Variants in SCN11A observed in about 807,000 individuals in gnomAD.
SCN11A encodes sodium channel protein type 11 subunit alpha.
A neutral mutation model predicts 162.2 loss-of-function variants in SCN11A; 122 were observed. That is an observed-to-expected ratio of 0.75 (90% CI 0.65 to 0.87). The LOEUF (loss-of-function observed/expected upper bound fraction) is 0.87. SCN11A is among the 40% of genes least tolerant of loss of function. The pLI is 0.00. For missense variants in SCN11A, 2,015 were observed against 2,181.6 expected (o/e 0.92, Z 1.52); for synonymous variants, 758 against 751.5 (o/e 1.01, Z -0.14).
At chr3:38,972,012 A>G (rs1195867486) in intron 2 of SCN11A, among the ~76,000 whole-genome samples, 1 of 152,182 alleles carries the variant, frequency 6.6e-6, no homozygotes, top group Non-Finnish European at 1.5e-5. Context: ...TATGGAATAC[A>G]CAGAAGAGCT....
At chr3:38,867,135 G>A (rs2065053330) in intron 27 of SCN11A, among the ~76,000 whole-genome samples, 186 bp downstream of exon 27, 1 of 152,170 alleles carries the variant, frequency 6.6e-6, no homozygotes, top group Non-Finnish European at 1.5e-5. Context: ...AAACCCAGAT[G>A]TTTTCAGTCT....
chr3:38,880,163 T>A, intron 22 of SCN11A, 40 bp from the exon 23 acceptor site: 1 of 1,472,592 alleles, frequency 6.8e-7, no homozygotes, highest in Non-Finnish European at 9.3e-7. Flanking sequence ...GGTTGAATAT[T>A]TGCAAAGAAC....
In SCN11A at chr3:39,024,181, C is replaced by A. The variant is rs58803027; in HGVS notation, c.-280+8199G>T. 7.2e-5 allele frequency among the ~76,000 whole-genome samples: 11 copies of A among 152,322 alleles called. No individual in the cohort carries two copies. In the East Asian group the frequency reaches 1.5e-3, roughly 21 times the overall value. On this transcript the variant is annotated intron_variant, in intron 2 of 29. Transcript: ENST00000302328. ...TGCTTCAGAAATGAAGACCCAGGGA[C>A]TCAGGGAAAATCGTTTGTTTTTATG...
chr3:39,030,345 G>A (rs952618387), intron 2 of SCN11A, among the ~76,000 whole-genome samples: 22 of 152,146 alleles, frequency 1.4e-4, no homozygotes, highest in Admixed American at 9.2e-4. Flanking sequence ...TGGGATTCCC[G>A]GTCCTAACAA....
At chr3:38,906,475 G>T (rs1164398226) in intron 14 of SCN11A, among the ~76,000 whole-genome samples, 1 of 152,006 alleles carries the variant, frequency 6.6e-6, no homozygotes, top group African/African-American at 2.4e-5. Flanking sequence ...CCCAAAATGT[G>T]TACCTTTCCT....
At chr3:38,987,045 C>CCA (rs2030272167) in intron 2 of SCN11A, among the ~76,000 whole-genome samples, 2 of 152,098 alleles carry the variant, frequency 1.3e-5, no homozygotes, top group Non-Finnish European at 2.9e-5. Flanking sequence ...GCTCTGCCTA[C>CCA]CACACACACA....
intron 2 of SCN11A, among the ~76,000 whole-genome samples, chr3:38,999,301 CAA>C (rs1162734108): frequency 6.6e-6 from 1 of 152,094 alleles, no homozygotes; most frequent in African/African-American, 2.4e-5. Context: ...GAAGTTGAAT[CAA>C]GACTCATTTT....
At chr3:38,880,785 C>T (rs549552846) in intron 22 of SCN11A, among the ~76,000 whole-genome samples, 2 of 152,314 alleles carry the variant, frequency 1.3e-5, no homozygotes, top group African/African-American at 4.8e-5. Context: ...GAGATCCTGG[C>T]TTTCAGAGAG....
At chr3:38,886,437 T>C (rs1446771459) in intron 19 of SCN11A, among the ~76,000 whole-genome samples, 199 bp from the exon 20 acceptor site, 2 of 152,232 alleles carry the variant, frequency 1.3e-5, no homozygotes, top group Non-Finnish European at 2.9e-5. Flanking sequence ...AGGAAACAGA[T>C]ACTGAACTTG....
chr3:38,879,917 A>C, intron 23 of SCN11A, 33 bp downstream of exon 23: 1 of 1,585,500 alleles, frequency 6.3e-7, no homozygotes, highest in Non-Finnish European at 8.6e-7. Context: ...CCACTACCCC[A>C]GCCTGTGTGG....
chr3:38,906,476 T>C (rs2065793652), intron 14 of SCN11A, among the ~76,000 whole-genome samples: 1 of 152,130 alleles, frequency 6.6e-6, no homozygotes, highest in South Asian at 2.1e-4. Context: ...CCAAAATGTG[T>C]ACCTTTCCTG....
chr3:38,974,983 T>A (rs1385325791), intron 2 of SCN11A, among the ~76,000 whole-genome samples: 2 of 148,998 alleles, frequency 1.3e-5, no homozygotes, highest in Non-Finnish European at 3.0e-5. Context: ...AAAATAAAGA[T>A]CGTGTACCAA....
rs1193674121 is a variant in SCN11A at position 38,863,186 on chromosome 3, T to C, written c.4056+9A>G. The C allele has an allele frequency of 6.9e-7, 1 of 1,453,146 alleles. No individual in the cohort carries two copies. The highest frequency in any genetic ancestry group is 1.1e-5 in the South Asian group (1 of 87,534). 90.0% of individuals were successfully genotyped at this position (1,453,146 alleles called of 1,614,324 possible). A position where few individuals can be genotyped will look rare whatever the true frequency, so the allele number is the denominator to read the frequency against. ...TTCTACATATTTACAGTCATTCAAT[T>C]GCTCTCACCAGAGGCCGTGGAATGG... On this transcript the variant is annotated intron_variant, in intron 28 of 29. Coordinates refer to ENST00000302328, the MANE Select transcript of SCN11A (RefSeq NM_001349253.2).
At chr3:38,978,225 C>T (rs1447498579) in intron 2 of SCN11A, among the ~76,000 whole-genome samples, 1 of 152,206 alleles carries the variant, frequency 6.6e-6, no homozygotes, top group Non-Finnish European at 1.5e-5. Context: ...CCAGGTTTGC[C>T]ATTTTTGCCA....
chr3:38,944,305 A>G (rs1575322577), intron 7 of SCN11A, among the ~76,000 whole-genome samples: 1 of 152,210 alleles, frequency 6.6e-6, no homozygotes, highest in Middle Eastern at 3.4e-3. Context: ...TAAAAGCATT[A>G]AAATGTACCT....
At chr3:38,966,802 G>A (rs1001849747) in intron 2 of SCN11A, among the ~76,000 whole-genome samples, 1 of 152,080 alleles carries the variant, frequency 6.6e-6, no homozygotes, top group Non-Finnish European at 1.5e-5. Flanking sequence ...ATTCTCCTTG[G>A]CTTCTGTGAA....
chr3:39,027,174 A>T (rs533042284), intron 2 of SCN11A, among the ~76,000 whole-genome samples: 1 of 152,276 alleles, frequency 6.6e-6, no homozygotes, highest in East Asian at 1.9e-4. Flanking sequence ...AGATGGGTAG[A>T]ATGAGGGACA....
intron 15 of SCN11A, 150 bp downstream of exon 15, chr3:38,905,042 A>T: frequency 1.0e-6 from 1 of 969,100 alleles, no homozygotes; most frequent in Non-Finnish European, 1.6e-6. Context: ...TGCTCCAAAG[A>T]GGCAAAGGAA....
chr3:38,938,509 CAT>C (rs1166609754), intron 7 of SCN11A, among the ~76,000 whole-genome samples: 856 of 35,434 alleles, frequency 0.024, 12 homozygotes, highest in Non-Finnish European at 0.032. Flanking sequence ...GGAAAAATAT[CAT>C]ATATATATAT....
Sources: allele counts gnomAD v4.1 joint callset (sites outside exome capture counted in the v4.1 genomes callset), GRCh38; gene constraint gnomAD v4.1.1; transcripts MANE v1.5; gene names NCBI Gene and HGNC (gene_info 2026-07-23, HGNC 2026-07-21).